The following RPS6KA5 variants were observed in gnomAD, a reference collection of about 807,000 sequenced individuals.
The protein encoded by RPS6KA5 is ribosomal protein S6 kinase alpha-5.
RPS6KA5 carries 27 observed loss-of-function variants against 85.5 expected under a neutral mutation model. The ratio of observed to expected loss-of-function variants is 0.32; its 90% confidence interval spans 0.23 to 0.44. The LOEUF is 0.44. RPS6KA5 is among the 20% of genes least tolerant of loss of function. The pLI is 1.00. For missense variants in RPS6KA5, 811 were observed against 980.9 expected, an observed-to-expected ratio of 0.83 and a Z score of 2.31; for synonymous variants, 334 against 348.2, an observed-to-expected ratio of 0.96 and a Z score of 0.46.
chr14:91,050,486 T>A (rs1444742151), intron 1 of RPS6KA5, among the ~76,000 whole-genome samples: 1 of 152,260 alleles, frequency 6.6e-6, no homozygotes, highest in African/African-American at 2.4e-5. Flanking sequence ...TGGAGTGCAG[T>A]GGCACAATCT....
intron 1 of RPS6KA5, among the ~76,000 whole-genome samples, chr14:91,004,979 AAC>A (rs1452215323): frequency 1.5e-4 from 22 of 149,232 alleles, no homozygotes; most frequent in African/African-American, 5.3e-4. Flanking sequence ...CAAAAAAAAA[AAC>A]AAAAAAACAA....
At chr14:90,994,523 T>G (rs1306451059) in intron 2 of RPS6KA5, among the ~76,000 whole-genome samples, 1 of 151,556 alleles carries the variant, frequency 6.6e-6, no homozygotes, top group Non-Finnish European at 1.5e-5. Context: ...TGTTTCCACT[T>G]CTTTCACTCA....
Position 90,875,326 on chromosome 14 carries a change from G to T in RPS6KA5, c.1871C>A (p.Ser624Tyr), listed in dbSNP as rs781690351. 6.2e-7 allele frequency: 1 copy of T among 1,613,852 alleles called. No homozygotes were observed. Among genetic ancestry groups the T allele is most frequent in the Non-Finnish European group, 8.5e-7 (1 of 1,179,862 alleles). ...GGTACACGTCAAACTTCGGTCATGAGATTGGAAGGGAACCTGTCCTGACAA... is the reference window on the plus strand; with the variant it reads ...GGTACACGTCAAACTTCGGTCATGATATTGGAAGGGAACCTGTCCTGACAA... ...TMLSGQVPFQ[S>Y]HDRSLTCTSA... is the part of the protein sequence containing the mutation. Residue 624 changes from serine to tyrosine, a missense_variant, in exon 15 of 17, where the codon TCT becomes TAT. Physicochemically the swap from Ser to Tyr is moderately radical, Grantham distance 144. This residue lies in a region of RPS6KA5 where 650 missense variants were observed against 793.4 expected (regional missense o/e 0.82). Coordinates refer to ENST00000614987, the MANE Select transcript of RPS6KA5 (RefSeq NM_004755.4).
chr14:90,947,313 A>G (rs921538550), intron 4 of RPS6KA5, 122 bp downstream of exon 4: 2 of 580,502 alleles, frequency 3.4e-6, no homozygotes, highest in Non-Finnish European at 6.1e-6. Flanking sequence ...GTAATGTTCT[A>G]TAAGTATGCT....
intron 1 of RPS6KA5, among the ~76,000 whole-genome samples, chr14:91,047,532 T>C (rs567317310): frequency 6.6e-6 from 1 of 152,336 alleles, no homozygotes; most frequent in South Asian, 2.1e-4. Context: ...GGCAAAACAG[T>C]TGTTTAAATA....
chr14:91,046,053 G>A (rs2139919853), intron 1 of RPS6KA5, among the ~76,000 whole-genome samples: 1 of 152,276 alleles, frequency 6.6e-6, no homozygotes, highest in South Asian at 2.1e-4. Flanking sequence ...CTGCTTCCCA[G>A]AAGCTTGCCA....
At chr14:90,897,047 C>T (rs1313075274) in intron 12 of RPS6KA5, among the ~76,000 whole-genome samples, 3 of 152,260 alleles carry the variant, frequency 2.0e-5, no homozygotes, top group Admixed American at 6.5e-5. Context: ...AATGGTTTCA[C>T]GGAAGGCAAT....
At chr14:91,059,424 ACGACTCATTAAAATGTACTAT>A (rs1478659611) in intron 1 of RPS6KA5, among the ~76,000 whole-genome samples, 1 of 152,186 alleles carries the variant, frequency 6.6e-6, no homozygotes, top group Non-Finnish European at 1.5e-5. Context: ...GTAATAACGA[ACGACTCATTAAAATGTACTAT>A]CTGTTCAGAG....
intron 1 of RPS6KA5, among the ~76,000 whole-genome samples, chr14:91,044,188 T>C (rs1464921001): frequency 2.7e-5 from 4 of 147,752 alleles, no homozygotes; most frequent in African/African-American, 5.0e-5. Context: ...GATCGCGCCA[T>C]TGCACTCTGG....
chr14:90,985,040 A>C (rs2040000243), intron 2 of RPS6KA5, among the ~76,000 whole-genome samples: 1 of 151,928 alleles, frequency 6.6e-6, no homozygotes, highest in African/African-American at 2.4e-5. Flanking sequence ...TTCTGGGTTC[A>C]AGCAATTCTC....
chr14:91,008,022 G>GT (rs375091850), intron 1 of RPS6KA5, among the ~76,000 whole-genome samples: 229 of 152,268 alleles, frequency 1.5e-3, no homozygotes, highest in African/African-American at 4.8e-3. Flanking sequence ...CAATGCTATT[G>GT]TAAGTATAAT....
chr14:91,016,806 G>A (rs1290807859), intron 1 of RPS6KA5, among the ~76,000 whole-genome samples: 1 of 150,042 alleles, frequency 6.7e-6, no homozygotes, highest in Non-Finnish European at 1.5e-5. Context: ...GAACATGATT[G>A]GAAAATCGAT....
chr14:91,023,815 T>G (rs182825841), intron 1 of RPS6KA5, among the ~76,000 whole-genome samples: 2 of 152,354 alleles, frequency 1.3e-5, no homozygotes, highest in Admixed American at 1.3e-4. Context: ...TTTAAAATAT[T>G]AAAATCTAAC....
chr14:91,013,342 C>T (rs1351256784), intron 1 of RPS6KA5, among the ~76,000 whole-genome samples: 1 of 152,044 alleles, frequency 6.6e-6, no homozygotes, highest in Non-Finnish European at 1.5e-5. Flanking sequence ...AGGCAGGTGA[C>T]CAAGTCCAAG....
intron 6 of RPS6KA5, 57 bp downstream of exon 6, chr14:90,923,056 G>C: frequency 2.3e-6 from 3 of 1,291,854 alleles, no homozygotes; most frequent in Non-Finnish European, 3.3e-6. Context: ...TGTTAACTAG[G>C]ATTCTTATAG....
At chr14:90,949,183 C>T (rs2038038950) in intron 3 of RPS6KA5, among the ~76,000 whole-genome samples, 1 of 152,192 alleles carries the variant, frequency 6.6e-6, no homozygotes, top group South Asian at 2.1e-4. Context: ...CTTAAAAACT[C>T]AATACTTATG....
At chr14:91,025,784 A>G (rs2139814783) in intron 1 of RPS6KA5, among the ~76,000 whole-genome samples, 1 of 151,264 alleles carries the variant, frequency 6.6e-6, no homozygotes, top group Non-Finnish European at 1.5e-5. Context: ...CTCAGTGGAA[A>G]GCTAAATGCT....
chr14:90,983,795 CTCTCTCTCTCTCTCTCTCTCTG>C (rs1310549833), intron 2 of RPS6KA5, among the ~76,000 whole-genome samples: 4 of 115,454 alleles, frequency 3.5e-5, no homozygotes, highest in Admixed American at 9.2e-5. Context: ...CTTTCTCTCT[CTCTCTCTCTCTCTCTCTCTCTG>C]TCTCTCTCTC....
chr14:90,885,552 CAAAAAAAAAAAAAAAAAAAAAAAA>C lies in RPS6KA5; in HGVS notation c.1836+4911_1836+4934del, dbSNP rs780292114. On this transcript the variant is annotated intron_variant, in intron 14 of 16. Transcript: ENST00000614987. ...TGGGCGACAGAGCGAGACTCCGTCT[CAAAAAAAAAAAAAAAAAAAAAAAA>C]AAAAAAAAAAAAAAAATTAGACGGG... 1.2e-3 allele frequency among the ~76,000 whole-genome samples: 23 copies of C among 19,876 alleles called. 1 individual carries two copies. Among genetic ancestry groups the C allele is most frequent in the Admixed American group, 2.1e-3 (3 of 1,454 alleles). 13.0% of individuals were successfully genotyped at this position (19,876 alleles called of 152,430 possible). A position where few individuals can be genotyped will look rare whatever the true frequency, so the allele number is the denominator to read the frequency against.
Sources: gnomAD v4.1 joint callset for allele counts (sites outside exome capture counted in the v4.1 genomes callset) on GRCh38, gnomAD v4.1.1 for gene constraint, gnomAD v4.1.1 regional missense constraint, MANE v1.5 for transcripts, NCBI Gene and HGNC (gene_info 2026-07-23, HGNC 2026-07-21) for gene names.